Variants in KYAT1 observed in about 807,000 individuals in gnomAD.
KYAT1 encodes kynurenine aminotransferase 1.
KYAT1 carries 47 observed loss-of-function variants against 52.4 expected under a neutral mutation model. The observed-to-expected ratio is 0.90, with a 90% confidence interval of 0.71 to 1.14. The LOEUF (loss-of-function observed/expected upper bound fraction) is 1.14. Among genes scored for constraint, KYAT1 ranks in the 50% most tolerant of loss-of-function variants. The probability of loss-of-function intolerance (pLI) is 0.00; values close to 1 mark genes in which losing one functional copy is unlikely to be tolerated. For synonymous variants in KYAT1, 212 were observed against 209.6 expected (o/e 1.01, Z -0.10); for missense variants, 480 against 557.9 (o/e 0.86, Z 1.41).
chr9:128,870,950 CA>C (rs11334239), intron 1 of KYAT1, among the ~76,000 whole-genome samples: 17,611 of 97,926 alleles, frequency 0.18, 1,251 homozygotes, highest in Middle Eastern at 0.31. Flanking sequence ...ACCTCAATTA[CA>C]AAAAAAAAAA....
Position 128,835,778 on chromosome 9 carries a change from C to A in KYAT1, c.855+1G>T. 2 of 1,612,290 alleles carry A rather than the reference C, an allele frequency of 1.2e-6. No individual in the cohort carries two copies. Among genetic ancestry groups the A allele is most frequent in the Non-Finnish European group, 1.7e-6 (2 of 1,179,136 alleles). The stretch of plus-strand genomic sequence containing the variant: ...CCCCGTGACGTCCTGCCCCTCTTCA[C>A]CTGGCTCTGCGTGGGGCAGTGGAAG... On this transcript the variant is annotated splice_donor_variant, in intron 9 of 12. Coordinates refer to ENST00000302586, the MANE Select transcript of KYAT1 (RefSeq NM_004059.5). LOFTEE classifies it high-confidence loss of function.
rs201263319 is a variant in KYAT1, at chr9:128,835,346, C to G, written c.1099G>C (p.Val367Leu). 8 of 1,613,770 alleles carry G rather than the reference C, an allele frequency of 5.0e-6. No individual in the cohort carries two copies. The African/African-American group carries it at 9.4e-5, about 19-fold the overall frequency. Residue 367 changes from valine to leucine, a missense_variant, in exon 11 of 13, where the codon GTC becomes CTC. Physicochemically the swap from Val to Leu is conservative, Grantham distance 32. Transcript: ENST00000302586. ...ACCTTGTTCTTGATCATCCACTTGA[C>G]GAAGCGTCTGTCATAGGGCTCATCC... ...AVDEPYDRRF[V>L]KWMIKNKGLV...
Position 128,836,083 on chromosome 9 carries a change from G to A in KYAT1, c.689-10C>T. On this transcript the variant is annotated splice_polypyrimidine_tract_variant and intron_variant, in intron 7 of 12. Coordinates refer to ENST00000302586, the MANE Select transcript of KYAT1 (RefSeq NM_004059.5). ...ATGCCAGGGAGGCTGGCTGCCCAAG[G>A]CCGAACAGAACAGCTGCTGAGACTG... The A allele has an allele frequency of 1.2e-6, 2 of 1,613,398 alleles. No individual in the cohort carries two copies. Among genetic ancestry groups the A allele is most frequent in the Non-Finnish European group, 1.7e-6 (2 of 1,179,524 alleles).
chr9:128,868,021 C>T (rs1268713738), intron 1 of KYAT1, among the ~76,000 whole-genome samples: 1 of 152,162 alleles, frequency 6.6e-6, no homozygotes, highest in Non-Finnish European at 1.5e-5. Flanking sequence ...GAGCCACCCG[C>T]CTTGGCCTCC....
chr9:128,836,176 G>T, intron 7 of KYAT1, 103 bp from the exon 8 acceptor site: 1 of 908,648 alleles, frequency 1.1e-6, no homozygotes, highest in Non-Finnish European at 1.7e-6. Flanking sequence ...TTGACACCCT[G>T]GATTCCTCTA....
chr9:128,859,010 C>CAAAGA (rs1220327775), intron 1 of KYAT1, among the ~76,000 whole-genome samples: 2 of 144,660 alleles, frequency 1.4e-5, no homozygotes, highest in South Asian at 4.4e-4. Context: ...AAAAAAAAAG[C>CAAAGA]AAAGAAAAGA....
At chr9:128,843,527 C>G (rs971235737) in intron 2 of KYAT1, among the ~76,000 whole-genome samples, 5 of 151,966 alleles carry the variant, frequency 3.3e-5, no homozygotes, top group African/African-American at 1.2e-4. Context: ...TACAGGCACC[C>G]GCCACCACGC....
intron 1 of KYAT1, chr9:128,846,600 C>CAAAAA (rs57333664): frequency 8.9e-4 from 371 of 418,970 alleles, no homozygotes; most frequent in East Asian, 2.0e-3. Flanking sequence ...AAGACTCTAC[C>CAAAAA]AAAAAAAAAA....
At chr9:128,868,331 A>G (rs1836705062) in intron 1 of KYAT1, among the ~76,000 whole-genome samples, 2 of 151,766 alleles carry the variant, frequency 1.3e-5, no homozygotes, top group Non-Finnish European at 2.9e-5. Flanking sequence ...CGGCCTCCCA[A>G]AGTGCTGTGA....
chr9:128,840,787 C>A, intron 3 of KYAT1: 1 of 295,894 alleles, frequency 3.4e-6, no homozygotes. Context: ...AACTCCTGGG[C>A]TCAAACAATC....
At chr9:128,864,670 G>A (rs968703520) in intron 1 of KYAT1, among the ~76,000 whole-genome samples, 7 of 152,086 alleles carry the variant, frequency 4.6e-5, no homozygotes, top group East Asian at 2.0e-4. Context: ...GTGCAGCAGC[G>A]CGATCTCAGC....
chr9:128,872,901 C>T (rs529698016), intron 1 of KYAT1, among the ~76,000 whole-genome samples: 62 of 149,330 alleles, frequency 4.2e-4, no homozygotes, highest in African/African-American at 1.5e-3. Flanking sequence ...GATGAAACCC[C>T]GTCCCTACTG....
At chr9:128,843,043 T>C (rs1832474992) in intron 2 of KYAT1, among the ~76,000 whole-genome samples, 1 of 152,296 alleles carries the variant, frequency 6.6e-6, no homozygotes, top group East Asian at 1.9e-4. Context: ...GGCAGGGGCC[T>C]GTAATCCCAG....
At chr9:128,844,202 G>A (rs1175485347) in intron 2 of KYAT1, among the ~76,000 whole-genome samples, 1 of 152,172 alleles carries the variant, frequency 6.6e-6, no homozygotes, top group Admixed American at 6.5e-5. Context: ...GGAGCAGAGT[G>A]AAGACCTGGC....
At chr9:128,834,639 C>A (rs758806690) in intron 11 of KYAT1, among the ~76,000 whole-genome samples, 5 of 151,228 alleles carry the variant, frequency 3.3e-5, no homozygotes, top group African/African-American at 4.9e-5. Context: ...GCCTGACCAA[C>A]ATGGTGAAAC....
chr9:128,870,000 C>T (rs768882592), intron 1 of KYAT1, among the ~76,000 whole-genome samples: 5 of 151,988 alleles, frequency 3.3e-5, no homozygotes, highest in African/African-American at 4.8e-5. Context: ...GTGATCCCCC[C>T]GCCTCAGCCT....
chr9:128,867,336 T>C (rs1820886462), intron 1 of KYAT1, among the ~76,000 whole-genome samples: 1 of 152,026 alleles, frequency 6.6e-6, no homozygotes, highest in African/African-American at 2.4e-5. Context: ...CACGCCACCA[T>C]GCTGGGCTAA....
intron 1 of KYAT1, chr9:128,846,717 C>T (rs779559719): frequency 3.3e-6 from 5 of 1,535,184 alleles, no homozygotes; most frequent in Non-Finnish European, 4.4e-6. Flanking sequence ...TTTGGCTCCT[C>T]CTGTCCTCAG....
At chr9:128,837,856 G>A in intron 5 of KYAT1, 43 bp from the exon 6 acceptor site, 1 of 1,606,950 alleles carries the variant, frequency 6.2e-7, no homozygotes. Flanking sequence ...TTAACCACCT[G>A]ACATGCAGGT....
Sources: gnomAD v4.1 joint callset for allele counts (sites outside exome capture counted in the v4.1 genomes callset) on GRCh38, gnomAD v4.1.1 for gene constraint, MANE v1.5 for transcripts, NCBI Gene and HGNC (gene_info 2026-07-23, HGNC 2026-07-21) for gene names.